The following PPIP5K2 variants were observed in gnomAD, a reference collection of about 807,000 sequenced individuals.
The protein encoded by PPIP5K2 is inositol hexakisphosphate and diphosphoinositol-pentakisphosphate kinase 2.
A neutral mutation model predicts 154.6 loss-of-function variants in PPIP5K2; 105 were observed. The observed-to-expected ratio is 0.68, with a 90% CI of 0.58 to 0.80. The LOEUF (loss-of-function observed/expected upper bound fraction) is 0.80, where lower values mean the gene tolerates loss of function less well. Among genes scored for constraint, PPIP5K2 ranks in the 30% least tolerant of loss-of-function variants. PPIP5K2 has a pLI of 0.00. For missense variants in PPIP5K2, 992 were observed against 1,504.6 expected (o/e 0.66, Z 5.64); for synonymous variants, 480 against 490.3 (o/e 0.98, Z 0.28).
chr5:103,162,350 C>CTTTTT (rs200973581), intron 17 of PPIP5K2, among the ~76,000 whole-genome samples: 7 of 138,534 alleles, frequency 5.1e-5, no homozygotes, highest in Non-Finnish European at 4.7e-5. Flanking sequence ...GATGTGTTTT[C>CTTTTT]TTTTTTTTTT....
At position 103,120,385 on chromosome 5, in the gene PPIP5K2, T is replaced by C. The variant is rs1323884215; in HGVS notation, c.-388T>C. On this transcript the variant is annotated 5_prime_UTR_variant, in exon 1 of 31. Coordinates refer to ENST00000358359, the MANE Select transcript of PPIP5K2 (RefSeq NM_001276277.3). ...GTCCACGCCTACAACTGAAGTCTCT[T>C]GACAAACACCTCACCCCTGCCTCCG... 4.4e-6 allele frequency: 2 copies of C among 456,466 alleles called. No individual in the cohort carries two copies. The highest frequency in any genetic ancestry group is 8.8e-6 in the Non-Finnish European group (2 of 226,866). 28.3% of individuals were successfully genotyped at this position (456,466 alleles called of 1,614,324 possible). A position where few individuals can be genotyped will look rare whatever the true frequency, so the allele number is the denominator to read the frequency against.
intron 19 of PPIP5K2, among the ~76,000 whole-genome samples, chr5:103,169,390 T>C (rs1797610796): frequency 6.6e-6 from 1 of 151,632 alleles, no homozygotes; most frequent in African/African-American, 2.4e-5. Context: ...AAAAAAAAGT[T>C]CAAAAAGCCT....
At chr5:103,177,544 C>A in intron 21 of PPIP5K2, 123 bp from the exon 22 acceptor site, 2 of 539,154 alleles carry the variant, frequency 3.7e-6, no homozygotes, top group African/African-American at 1.9e-5. Context: ...TAAAATTTTG[C>A]ATATGATAAG....
chr5:103,154,446 A>T (rs1554212385), intron 11 of PPIP5K2, among the ~76,000 whole-genome samples: 1 of 152,054 alleles, frequency 6.6e-6, no homozygotes, highest in African/African-American at 2.4e-5. Flanking sequence ...AACTTTGAAA[A>T]GTAGTATGGT....
At chr5:103,126,540 A>G (rs76835529) in intron 1 of PPIP5K2, among the ~76,000 whole-genome samples, 5,570 of 152,258 alleles carry the variant, frequency 0.037, 339 homozygotes, top group African/African-American at 0.13. Flanking sequence ...AGATATAGCT[A>G]CAAATGGGAG....
At chr5:103,138,512 C>CT in intron 5 of PPIP5K2, 43 bp downstream of exon 5, 2 of 1,310,818 alleles carry the variant, frequency 1.5e-6, no homozygotes, top group Non-Finnish European at 2.2e-6. Context: ...TGCCACTTGA[C>CT]ATACTTTTGG....
chr5:103,190,821 T>G (rs782446453), intron 28 of PPIP5K2, 21 bp from the exon 29 acceptor site: 1 of 1,554,716 alleles, frequency 6.4e-7, no homozygotes, highest in South Asian at 1.2e-5. Context: ...ATTTTTTGTT[T>G]TTGGTTTTTT....
chr5:103,125,814 G>C (rs1402747275), intron 1 of PPIP5K2, among the ~76,000 whole-genome samples: 4 of 152,074 alleles, frequency 2.6e-5, no homozygotes, highest in Admixed American at 2.6e-4. Flanking sequence ...TTATATTTTA[G>C]CAGAGACGGG....
At chr5:103,189,283 T>C (rs1800859877) in intron 28 of PPIP5K2, 1 of 1,331,638 alleles carries the variant, frequency 7.5e-7, no homozygotes, top group Non-Finnish European at 1.0e-6. Context: ...ATTGCTGCGC[T>C]AACCCTTTCA....
intron 10 of PPIP5K2, 89 bp downstream of exon 10, chr5:103,152,838 G>C: frequency 1.2e-6 from 1 of 834,744 alleles, no homozygotes; most frequent in Non-Finnish European, 1.9e-6. Context: ...ATGATGATTA[G>C]ACACTTTAGT....
intron 11 of PPIP5K2, among the ~76,000 whole-genome samples, chr5:103,154,411 A>G (rs1269346209): frequency 1.3e-5 from 2 of 152,056 alleles, no homozygotes; most frequent in East Asian, 1.9e-4. Flanking sequence ...ATGAACTATA[A>G]TTGTATGTTT....
At chr5:103,192,338 T>C (rs1322937661) in intron 29 of PPIP5K2, among the ~76,000 whole-genome samples, 1 of 152,116 alleles carries the variant, frequency 6.6e-6, no homozygotes, top group Non-Finnish European at 1.5e-5. Flanking sequence ...GGTGGTAATC[T>C]CCTTTTATAT....
rs1803228686 is a variant in PPIP5K2, at chr5:103,202,953, C to A, written c.*1319C>A. ...CCTTAAATAGTCATATATTAATTAACTTATAGGAAATAAGCATACTATATG... is the reference window on the plus strand; with the variant it reads ...CCTTAAATAGTCATATATTAATTAAATTATAGGAAATAAGCATACTATATG... On this transcript the variant is annotated 3_prime_UTR_variant, in exon 31 of 31. Transcript: ENST00000358359. 6.6e-6 allele frequency: 1 copy of A among 152,432 alleles called. No homozygotes were observed. Among genetic ancestry groups the A allele is most frequent in the South Asian group, 2.1e-4 (1 of 4,826 alleles). 9.4% of individuals were successfully genotyped at this position (152,432 alleles called of 1,614,324 possible).
chr5:103,133,122 T>C (rs879987389), intron 2 of PPIP5K2, among the ~76,000 whole-genome samples: 4 of 152,150 alleles, frequency 2.6e-5, no homozygotes, highest in South Asian at 2.1e-4. Context: ...TTGACTGTTA[T>C]TATACTTTAC....
chr5:103,125,312 T>C (rs1307083423), intron 1 of PPIP5K2, among the ~76,000 whole-genome samples: 4 of 152,142 alleles, frequency 2.6e-5, no homozygotes, highest in Non-Finnish European at 5.9e-5. Flanking sequence ...AAATGACCTA[T>C]GAGCTATGTA....
At chr5:103,195,093 A>G (rs1185615971) in intron 30 of PPIP5K2, 68 bp downstream of exon 30, 1 of 1,576,314 alleles carries the variant, frequency 6.3e-7, no homozygotes, top group African/African-American at 1.4e-5. Context: ...TTGCTTTTTA[A>G]ATGTCAAATT....
chr5:103,176,622 C>T (rs985652758), intron 21 of PPIP5K2, among the ~76,000 whole-genome samples: 1 of 149,496 alleles, frequency 6.7e-6, no homozygotes, highest in Admixed American at 6.7e-5. Context: ...ATTGTATACT[C>T]TTAGTGTATA....
chr5:103,159,175 A>G lies in PPIP5K2; in HGVS notation c.1767A>G (p.Thr589=), dbSNP rs1554214793. The G allele has an allele frequency of 2.5e-6, 4 of 1,606,424 alleles. No homozygotes were observed. The highest frequency in any genetic ancestry group is 2.2e-5 in the South Asian group (2 of 90,086). The change falls in exon 17 of 31, where the codon ACA becomes ACG. Residue 589 remains threonine (T), a synonymous_variant. Transcript: ENST00000358359. ...TTTTAGCTTTGGAAGGAGAGCTTAC[A>G]CCCATTCTTGTTCAAATGGTGAAAA... The part of the protein sequence containing the change: ...KGLLALEGEL[T]PILVQMVKSA...
chr5:103,168,922 T>C (rs2149680081), intron 19 of PPIP5K2, among the ~76,000 whole-genome samples: 1 of 152,028 alleles, frequency 6.6e-6, no homozygotes, highest in Non-Finnish European at 1.5e-5. Flanking sequence ...AACACCTGTT[T>C]TGCATCTGCC....
Sources: gnomAD v4.1 joint callset for allele counts (sites outside exome capture counted in the v4.1 genomes callset) on GRCh38, gnomAD v4.1.1 for gene constraint, MANE v1.5 for transcripts, NCBI Gene and HGNC (gene_info 2026-07-23, HGNC 2026-07-21) for gene names.